RFX3: variants seen among roughly 807,000 people sequenced by gnomAD.
RFX3 encodes the protein regulatory factor X3.
RFX3 carries 14 observed loss-of-function variants against 98.6 expected under a neutral mutation model. The ratio of observed to expected loss-of-function variants is 0.14; its 90% CI spans 0.09 to 0.22. RFX3 has a LOEUF of 0.22. RFX3 is among the 10% of genes least tolerant of loss of function. The probability of loss-of-function intolerance (pLI) is 1.00; values close to 1 mark genes in which losing one functional copy is unlikely to be tolerated. For synonymous variants in RFX3, 383 were observed against 328.4 expected (o/e 1.17, Z -1.80); for missense variants, 639 against 926.9 (o/e 0.69, Z 4.03).
chr9:3,250,467 T>G (rs1341302371), intron 14 of RFX3, among the ~76,000 whole-genome samples: 2 of 152,088 alleles, frequency 1.3e-5, no homozygotes, highest in African/African-American at 4.8e-5. Flanking sequence ...GACCCAATGT[T>G]ATAGCTGGTT....
intron 4 of RFX3, among the ~76,000 whole-genome samples, chr9:3,304,755 G>A (rs1033167260): frequency 6.6e-6 from 1 of 152,022 alleles, no homozygotes; most frequent in Non-Finnish European, 1.5e-5. Flanking sequence ...CCAGACACAT[G>A]GAACTGTGAG....
At chr9:3,495,255 T>C (rs1199936596) in intron 1 of RFX3, among the ~76,000 whole-genome samples, 1 of 152,034 alleles carries the variant, frequency 6.6e-6, no homozygotes, top group Non-Finnish European at 1.5e-5. Context: ...TTTATGAAGC[T>C]AATGTATGAA....
At chr9:3,347,302 CAG>C (rs1312588738) in intron 2 of RFX3, among the ~76,000 whole-genome samples, 2 of 150,316 alleles carry the variant, frequency 1.3e-5, no homozygotes, top group African/African-American at 4.9e-5. Context: ...GCCTGGGTGA[CAG>C]AGTGAGATTC....
At chr9:3,274,809 T>C (rs1191398257) in intron 9 of RFX3, among the ~76,000 whole-genome samples, 1 of 152,008 alleles carries the variant, frequency 6.6e-6, no homozygotes, top group Non-Finnish European at 1.5e-5. Context: ...CAACCACTGT[T>C]AACATTTTCT....
At chr9:3,461,236 T>C (rs931101165) in intron 1 of RFX3, among the ~76,000 whole-genome samples, 2 of 151,888 alleles carry the variant, frequency 1.3e-5, no homozygotes, top group East Asian at 3.8e-4. Flanking sequence ...AAAATATAAA[T>C]TGGGTTTCAT....
chr9:3,361,124 A>C (rs1163297500), intron 2 of RFX3, among the ~76,000 whole-genome samples: 3 of 152,200 alleles, frequency 2.0e-5, no homozygotes, highest in African/African-American at 7.2e-5. Flanking sequence ...AAAACATGGG[A>C]TATTAGAACA....
intron 1 of RFX3, among the ~76,000 whole-genome samples, chr9:3,504,952 A>ATATATTATATATAACATATATAT (rs1816747087): frequency 1.4e-5 from 1 of 69,608 alleles, no homozygotes; most frequent in South Asian, 4.3e-4. Flanking sequence ...ATAATATAAT[A>ATATATTATATATAACATATATAT]TATATTATAT....
At chr9:3,494,294 T>C (rs1320462147) in intron 1 of RFX3, among the ~76,000 whole-genome samples, 2 of 152,186 alleles carry the variant, frequency 1.3e-5, no homozygotes, top group African/African-American at 2.4e-5. Flanking sequence ...AGCAGAGTTG[T>C]TGACCTGGAA....
chr9:3,469,845 C>CA (rs762924935), intron 1 of RFX3, among the ~76,000 whole-genome samples: 3,811 of 92,048 alleles, frequency 0.041, 94 homozygotes, highest in African/African-American at 0.091. Flanking sequence ...GACTCCGTCT[C>CA]AAAAAAAAAA....
At position 3,316,630 on chromosome 9, in the gene RFX3, T is replaced by C. The variant is rs561912691; in HGVS notation, c.474+13629A>G. Among the ~76,000 whole-genome samples, 16 of 152,308 alleles carry C rather than the reference T, an allele frequency of 1.1e-4. 1 individual carries two copies. The highest frequency in any genetic ancestry group is 6.5e-4 in the Admixed American group (10 of 15,296). ...ATGATTGTATATTTAGAAAACCCCATTGTCTCAGCCCAAAATCTCCTTAAG... is the reference window on the plus strand; with the variant it reads ...ATGATTGTATATTTAGAAAACCCCACTGTCTCAGCCCAAAATCTCCTTAAG... On this transcript the variant is annotated intron_variant, in intron 4 of 16. Transcript: ENST00000617270.
At chr9:3,435,149 T>A (rs920441700) in intron 1 of RFX3, among the ~76,000 whole-genome samples, 11 of 152,028 alleles carry the variant, frequency 7.2e-5, no homozygotes, top group Admixed American at 7.2e-4. Flanking sequence ...GACATTACTG[T>A]ACACTACTAT....
At chr9:3,476,647 G>C (rs760870480) in intron 1 of RFX3, among the ~76,000 whole-genome samples, 1 of 152,084 alleles carries the variant, frequency 6.6e-6, no homozygotes, top group Non-Finnish European at 1.5e-5. Context: ...AACTATGAAG[G>C]AATCCATCTT....
chr9:3,510,040 G>C (rs1461380934), intron 1 of RFX3, among the ~76,000 whole-genome samples: 1 of 151,912 alleles, frequency 6.6e-6, no homozygotes, highest in Non-Finnish European at 1.5e-5. Flanking sequence ...CTGAAATCCT[G>C]TATATTTGGG....
intron 1 of RFX3, among the ~76,000 whole-genome samples, chr9:3,415,784 C>A (rs370518233): frequency 1.3e-5 from 2 of 152,150 alleles, no homozygotes; most frequent in African/African-American, 4.8e-5. Context: ...TGCCTCTTTG[C>A]AACACAATGA....
intron 14 of RFX3, 147 bp downstream of exon 14, chr9:3,256,844 G>C: frequency 1.4e-6 from 1 of 700,470 alleles, no homozygotes; most frequent in Non-Finnish European, 2.5e-6. Flanking sequence ...TCACTGAGTT[G>C]GGTTGAAGGT....
At chr9:3,495,059 A>C (rs1851006297) in intron 1 of RFX3, among the ~76,000 whole-genome samples, 1 of 151,942 alleles carries the variant, frequency 6.6e-6, no homozygotes, top group Non-Finnish European at 1.5e-5. Context: ...CTGAAAAGAA[A>C]GTCCACACTA....
intron 15 of RFX3, among the ~76,000 whole-genome samples, chr9:3,238,934 G>T (rs1307653937): frequency 1.3e-5 from 2 of 151,056 alleles, no homozygotes; most frequent in Admixed American, 6.6e-5. Context: ...CAGAGGCTGT[G>T]TCATAGTGAG....
At chr9:3,294,471 T>C (rs1195437733) in intron 5 of RFX3, among the ~76,000 whole-genome samples, 1 of 152,122 alleles carries the variant, frequency 6.6e-6, no homozygotes, top group African/African-American at 2.4e-5. Context: ...ATGAATGTGA[T>C]CTCATCCTTG....
chr9:3,350,978 G>C (rs1835040382), intron 2 of RFX3, among the ~76,000 whole-genome samples: 1 of 152,034 alleles, frequency 6.6e-6, no homozygotes, highest in South Asian at 2.1e-4. Context: ...AGGATTTGTA[G>C]AACAGTGAAA....
Sources: allele counts gnomAD v4.1 joint callset (sites outside exome capture counted in the v4.1 genomes callset), GRCh38; gene constraint gnomAD v4.1.1; transcripts MANE v1.5; gene names NCBI Gene and HGNC (gene_info 2026-07-23, HGNC 2026-07-21).